The following SLC25A21 variants were observed in gnomAD, a reference collection of about 807,000 sequenced individuals.
The protein encoded by SLC25A21 is solute carrier family 25 member 21.
Under a neutral mutation model 43.8 loss-of-function variants are expected in SLC25A21, and 47 were observed. That is an observed-to-expected ratio of 1.07 (90% CI 0.85 to 1.37). SLC25A21 has a LOEUF of 1.37. SLC25A21 is among the 40% of genes most tolerant of loss of function. SLC25A21 has a pLI of 0.00. For synonymous variants in SLC25A21, 131 were observed against 121.3 expected, an observed-to-expected ratio of 1.08 and a Z score of -0.52; for missense variants, 352 against 350.2, an observed-to-expected ratio of 1.00 and a Z score of -0.04.
chr14:36,722,943 C>T (rs1884434232), intron 6 of SLC25A21, among the ~76,000 whole-genome samples: 1 of 152,124 alleles, frequency 6.6e-6, no homozygotes, highest in South Asian at 2.1e-4. Flanking sequence ...CCCTTTTATA[C>T]TTAACAACCC....
chr14:36,996,182 C>T (rs373979142), intron 1 of SLC25A21, among the ~76,000 whole-genome samples: 12 of 152,180 alleles, frequency 7.9e-5, no homozygotes, highest in African/African-American at 2.9e-4. Context: ...TGGTTAATGC[C>T]CTCATTAATA....
At chr14:36,840,206 G>A (rs568247729) in intron 2 of SLC25A21, among the ~76,000 whole-genome samples, 24 of 150,742 alleles carry the variant, frequency 1.6e-4, no homozygotes, top group African/African-American at 5.5e-4. Context: ...GAATAAAAGC[G>A]AGGTTTTTTT....
At chr14:37,001,377 G>T (rs963754755) in intron 1 of SLC25A21, among the ~76,000 whole-genome samples, 24 of 152,058 alleles carry the variant, frequency 1.6e-4, no homozygotes, top group Admixed American at 6.6e-4. Context: ...AGAAATTGAT[G>T]CCCAGAGAAG....
intron 2 of SLC25A21, among the ~76,000 whole-genome samples, chr14:36,851,643 G>A (rs1889739527): frequency 6.6e-6 from 1 of 152,190 alleles, no homozygotes; most frequent in Admixed American, 6.5e-5. Context: ...CACAAAAAAT[G>A]GGGATTAGAA....
chr14:36,865,627 T>A (rs1890193155), intron 2 of SLC25A21, among the ~76,000 whole-genome samples: 2 of 152,152 alleles, frequency 1.3e-5, no homozygotes, highest in Non-Finnish European at 2.9e-5. Context: ...TTTACATGAC[T>A]TTTTACAAAA....
At position 37,093,696 on chromosome 14, in the gene SLC25A21, C is replaced by T. The variant is rs12050463; in HGVS notation, c.70+78585G>A. On this transcript the variant is annotated intron_variant, in intron 1 of 9. Coordinates refer to ENST00000331299, the MANE Select transcript of SLC25A21 (RefSeq NM_030631.4). ...TGGGGGATGAATGGAGGGGAGAGAA[C>T]TAACATGGAAAAAAGTGGGGGGAGG... Among the ~76,000 whole-genome samples, 2,777 of 151,922 alleles carry T rather than the reference C, an allele frequency of 0.018. 201 individuals carry two copies. In the East Asian group the frequency reaches 0.26, roughly 14 times the overall value.
At chr14:36,867,868 T>C (rs1048198710) in intron 2 of SLC25A21, among the ~76,000 whole-genome samples, 1 of 151,960 alleles carries the variant, frequency 6.6e-6, no homozygotes, top group African/African-American at 2.4e-5. Context: ...TTATTGCTCC[T>C]ATTTAAATAT....
intron 1 of SLC25A21, among the ~76,000 whole-genome samples, chr14:37,169,608 G>A (rs867722161): frequency 9.8e-5 from 4 of 40,730 alleles, no homozygotes; most frequent in Non-Finnish European, 2.5e-4. Context: ...CACACACACA[G>A]AAGTGTTGTA....
At chr14:36,697,717 A>G (rs1230019666) in intron 7 of SLC25A21, among the ~76,000 whole-genome samples, 1 of 145,576 alleles carries the variant, frequency 6.9e-6, no homozygotes, top group Non-Finnish European at 1.5e-5. Flanking sequence ...GTTTTATCTG[A>G]GACTAGGATT....
chr14:36,828,860 T>A (rs1168088621), intron 2 of SLC25A21: 1 of 152,362 alleles, frequency 6.6e-6, no homozygotes, highest in East Asian at 1.9e-4. Context: ...GTGTGCCAAA[T>A]ATCTTTCATC....
At chr14:36,742,633 A>C (rs2139243243) in intron 3 of SLC25A21, among the ~76,000 whole-genome samples, 2 of 152,316 alleles carry the variant, frequency 1.3e-5, no homozygotes, top group South Asian at 4.1e-4. Context: ...GAGGAAAAAC[A>C]GTTCAAAAGA....
chr14:36,853,174 A>G (rs1206102895), intron 2 of SLC25A21, among the ~76,000 whole-genome samples: 1 of 152,242 alleles, frequency 6.6e-6, no homozygotes, highest in Non-Finnish European at 1.5e-5. Flanking sequence ...GACTGTAATG[A>G]TAAGATATGA....
chr14:36,705,909 T>C (rs1013245452), intron 7 of SLC25A21, among the ~76,000 whole-genome samples: 4 of 152,162 alleles, frequency 2.6e-5, no homozygotes, highest in African/African-American at 9.7e-5. Context: ...AATAAGGCCT[T>C]CAAGGAACAC....
intron 1 of SLC25A21, among the ~76,000 whole-genome samples, chr14:37,021,717 A>T (rs1960989463): frequency 6.6e-6 from 1 of 151,956 alleles, no homozygotes; most frequent in African/African-American, 2.4e-5. Flanking sequence ...AGAGTTTGGT[A>T]TCAGAATAAG....
intron 1 of SLC25A21, among the ~76,000 whole-genome samples, chr14:36,965,192 T>A (rs1340173150): frequency 6.6e-6 from 1 of 152,156 alleles, no homozygotes; most frequent in African/African-American, 2.4e-5. Context: ...TCCCTTTTGA[T>A]CCTGACCTAC....
At chr14:37,003,227 T>G (rs1400118615) in intron 1 of SLC25A21, among the ~76,000 whole-genome samples, 1 of 152,214 alleles carries the variant, frequency 6.6e-6, no homozygotes, top group Non-Finnish European at 1.5e-5. Context: ...ATAAAAGCTA[T>G]GTGAATCCAA....
chr14:37,125,516 G>C (rs1963282246), intron 1 of SLC25A21, among the ~76,000 whole-genome samples: 1 of 152,122 alleles, frequency 6.6e-6, no homozygotes, highest in African/African-American at 2.4e-5. Context: ...GAAGAGTCTA[G>C]ATAGGACAAA....
intron 3 of SLC25A21, among the ~76,000 whole-genome samples, chr14:36,809,381 A>C (rs1169038758): frequency 6.6e-6 from 1 of 152,186 alleles, no homozygotes; most frequent in Non-Finnish European, 1.5e-5. Context: ...ATTCCATATA[A>C]TAGAAATCCT....
At chr14:36,698,149 A>G (rs1883121553) in intron 7 of SLC25A21, among the ~76,000 whole-genome samples, 1 of 152,034 alleles carries the variant, frequency 6.6e-6, no homozygotes, top group South Asian at 2.1e-4. Context: ...TCTGTAAAGT[A>G]TTTTATTTCT....
Sources: allele counts gnomAD v4.1 joint callset (sites outside exome capture counted in the v4.1 genomes callset), GRCh38; gene constraint gnomAD v4.1.1; transcripts MANE v1.5; gene names NCBI Gene and HGNC (gene_info 2026-07-23, HGNC 2026-07-21).